PTPRT: variants seen among roughly 807,000 people sequenced by gnomAD.
PTPRT encodes the protein protein tyrosine phosphatase receptor type T, also known as receptor-type tyrosine-protein phosphatase T.
In PTPRT, 56 loss-of-function variants were observed where a neutral mutation model predicts 176.8. The ratio of observed to expected loss-of-function variants is 0.32; its 90% CI spans 0.26 to 0.40. The LOEUF is 0.40. PTPRT is among the 10% of genes least tolerant of loss of function. The pLI, the probability that PTPRT is intolerant of heterozygous loss-of-function variation, is 1.00. For missense variants in PTPRT, 1,540 were observed against 1,908.2 expected, an observed-to-expected ratio of 0.81 and a Z score of 3.60; for synonymous variants, 783 against 739.0, an observed-to-expected ratio of 1.06 and a Z score of -0.96.
intron 12 of PTPRT, among the ~76,000 whole-genome samples, chr20:42,292,330 C>T (rs2057329837): frequency 6.6e-6 from 1 of 150,574 alleles, no homozygotes; most frequent in Non-Finnish European, 1.5e-5. Flanking sequence ...AAAAGATGTC[C>T]TCTTTTCTTT....
chr20:42,978,911 C>T (rs866364785), intron 1 of PTPRT, among the ~76,000 whole-genome samples: 49 of 152,204 alleles, frequency 3.2e-4, no homozygotes, highest in African/African-American at 9.7e-4. Flanking sequence ...AGCAGCCCTT[C>T]GGCTGCTCTG....
At chr20:42,672,323 G>C (rs2075427485) in intron 7 of PTPRT, among the ~76,000 whole-genome samples, 1 of 152,182 alleles carries the variant, frequency 6.6e-6, no homozygotes. Context: ...CATATTGGAT[G>C]CTTCCTGTCC....
intron 18 of PTPRT, among the ~76,000 whole-genome samples, chr20:42,130,241 T>C (rs561270966): frequency 6.6e-6 from 1 of 152,268 alleles, no homozygotes; most frequent in Middle Eastern, 3.4e-3. Flanking sequence ...TAGAAGAAAG[T>C]GGAGAAACTC....
rs1986833248 is a variant in PTPRT at position 42,109,612 on chromosome 20, C to T, written c.3254+721G>A. On this transcript the variant is annotated intron_variant, in intron 23 of 30. Transcript: ENST00000373187. ...AGCATGCTTCCACCAAGGCGCCCTG[C>T]TGCCATGTCAAGGAGCTGAGGGCAA... 2.0e-5 allele frequency among the ~76,000 whole-genome samples: 3 copies of T among 152,286 alleles called. No homozygotes were observed. The South Asian group carries it at 6.2e-4, about 32-fold the overall frequency.
intron 7 of PTPRT, among the ~76,000 whole-genome samples, chr20:42,606,075 G>A (rs1320144805): frequency 6.6e-6 from 1 of 152,184 alleles, no homozygotes; most frequent in Non-Finnish European, 1.5e-5. Context: ...AGTGATTCTT[G>A]TGCACGATGT....
intron 1 of PTPRT, among the ~76,000 whole-genome samples, chr20:42,916,871 A>G (rs1395960315): frequency 6.6e-6 from 1 of 152,206 alleles, no homozygotes; most frequent in East Asian, 1.9e-4. Context: ...GCCCTTTGTC[A>G]GATGAGTAGG....
chr20:43,088,632 G>T (rs749310399), intron 1 of PTPRT, among the ~76,000 whole-genome samples: 4 of 151,982 alleles, frequency 2.6e-5, no homozygotes. Flanking sequence ...CCCCAGCAGG[G>T]TCACCCAAAC....
chr20:42,059,367 G>C, the PTPRT span, among the ~76,000 whole-genome samples: 4 of 152,166 alleles, frequency 2.6e-5, no homozygotes, highest in Admixed American at 6.5e-5. Flanking sequence ...TGCCAGCAGG[G>C]GCCTCTTTGC....
At chr20:42,957,789 T>C (rs1981729103) in intron 1 of PTPRT, among the ~76,000 whole-genome samples, 1 of 152,220 alleles carries the variant, frequency 6.6e-6, no homozygotes, top group Non-Finnish European at 1.5e-5. Flanking sequence ...TAATTTTTTA[T>C]TCATCTCTTC....
At chr20:42,282,091 G>A (rs1318768621) in intron 13 of PTPRT, among the ~76,000 whole-genome samples, 1 of 152,074 alleles carries the variant, frequency 6.6e-6, no homozygotes, top group Non-Finnish European at 1.5e-5. Flanking sequence ...TGTACCAACA[G>A]AACGAAGTAC....
chr20:43,155,341 C>T (rs1267295045), intron 1 of PTPRT, among the ~76,000 whole-genome samples: 1 of 152,160 alleles, frequency 6.6e-6, no homozygotes, highest in Non-Finnish European at 1.5e-5. Flanking sequence ...GAATACCATT[C>T]AGCCATATCA....
chr20:42,225,567 A>C (rs2055987429), intron 15 of PTPRT, among the ~76,000 whole-genome samples: 1 of 152,110 alleles, frequency 6.6e-6, no homozygotes. Flanking sequence ...CATGCTATCA[A>C]ATTAAGTTAT....
chr20:42,829,853 C>T (rs1311915069), intron 2 of PTPRT, among the ~76,000 whole-genome samples: 1 of 152,154 alleles, frequency 6.6e-6, no homozygotes, highest in Non-Finnish European at 1.5e-5. Flanking sequence ...CCTAGAAGAG[C>T]TGAACACATT....
At chr20:42,977,902 G>T (rs1347534320) in intron 1 of PTPRT, among the ~76,000 whole-genome samples, 1 of 152,222 alleles carries the variant, frequency 6.6e-6, no homozygotes, top group Admixed American at 6.5e-5. Flanking sequence ...TCGTGGGAAT[G>T]GAATTATAAT....
At chr20:42,221,351 C>A (rs890494707) in intron 15 of PTPRT, among the ~76,000 whole-genome samples, 1 of 152,088 alleles carries the variant, frequency 6.6e-6, no homozygotes. Flanking sequence ...CATTCTCATA[C>A]TGCTATAAGT....
intron 1 of PTPRT, among the ~76,000 whole-genome samples, chr20:43,145,432 T>TTAAGTTGC (rs1395682113): frequency 6.6e-6 from 1 of 152,244 alleles, no homozygotes; most frequent in African/African-American, 2.4e-5. Context: ...CATAGGCTTC[T>TTAAGTTGC]TAAGTTGCCA....
chr20:43,181,026 C>G (rs554392051), intron 1 of PTPRT, among the ~76,000 whole-genome samples: 78 of 152,286 alleles, frequency 5.1e-4, no homozygotes, highest in Non-Finnish European at 9.8e-4. Context: ...CTCACTTGCT[C>G]ACTCTGACAA....
chr20:42,823,351 C>T (rs2077933376), intron 2 of PTPRT, among the ~76,000 whole-genome samples: 1 of 151,926 alleles, frequency 6.6e-6, no homozygotes, highest in South Asian at 2.1e-4. Context: ...AATACATGGA[C>T]ACACAGAGGG....
chr20:42,376,962 T>C (rs997451665), intron 9 of PTPRT, among the ~76,000 whole-genome samples: 3 of 152,146 alleles, frequency 2.0e-5, no homozygotes, highest in African/African-American at 7.2e-5. Flanking sequence ...ATATTTCCCC[T>C]TTTAAAGAAA....
Sources: gnomAD v4.1 joint callset for allele counts (sites outside exome capture counted in the v4.1 genomes callset) on GRCh38, gnomAD v4.1.1 for gene constraint, MANE v1.5 for transcripts, NCBI Gene and HGNC (gene_info 2026-07-23, HGNC 2026-07-21) for gene names.